The following CACNA1E variants were observed in gnomAD, a reference collection of about 807,000 sequenced individuals.
The protein encoded by CACNA1E is calcium voltage-gated channel subunit alpha1 E.
Under a neutral mutation model 259.2 loss-of-function variants are expected in CACNA1E, and 40 were observed. The observed-to-expected ratio is 0.15, with a 90% CI of 0.12 to 0.20. The LOEUF (loss-of-function observed/expected upper bound fraction) is 0.20. Among genes scored for constraint, CACNA1E ranks in the 10% least tolerant of loss-of-function variants. The pLI is 1.00. For missense variants in CACNA1E, 1,874 were observed against 3,040.1 expected (o/e 0.62, Z 9.02); for synonymous variants, 1,104 against 1,138.5 (o/e 0.97, Z 0.61).
intron 3 of CACNA1E, among the ~76,000 whole-genome samples, chr1:181,517,154 C>T (rs1169737080): frequency 6.6e-6 from 1 of 152,214 alleles, no homozygotes; most frequent in Non-Finnish European, 1.5e-5. Flanking sequence ...CTGGGGAAAG[C>T]TTCTTGAAAG....
At chr1:181,461,351 C>T (rs1038881885) in intron 2 of CACNA1E, among the ~76,000 whole-genome samples, 3 of 151,676 alleles carry the variant, frequency 2.0e-5, no homozygotes, top group African/African-American at 7.3e-5. Flanking sequence ...ACCATCCTGG[C>T]TAACACGGTG....
intron 1 of CACNA1E, among the ~76,000 whole-genome samples, chr1:181,322,011 C>T (rs1039120004): frequency 3.3e-5 from 5 of 152,018 alleles, no homozygotes; most frequent in African/African-American, 7.3e-5. Context: ...GGAGGGTAGG[C>T]GGGGCAGATG....
rs150896997 is a variant in CACNA1E at position 181,394,963 on chromosome 1, C to T, written c.-14-18170C>T. Among the ~76,000 whole-genome samples the T allele has an allele frequency of 3.0e-3, 455 of 152,230 alleles. 2 individuals are homozygous for T. Among genetic ancestry groups the T allele is most frequent in the African/African-American group, 0.01 (423 of 41,536 alleles). On this transcript the variant is annotated intron_variant, in intron 1 of 11. Transcript: ENST00000524607. ...ACTGGGAGGTCAGCTGTGGCTGTTA[C>T]TCTAAGTGAAGGGAGGGTACATTGC...
intron 25 of CACNA1E, chr1:181,745,503 G>A: frequency 3.0e-6 from 1 of 331,888 alleles, no homozygotes; most frequent in Non-Finnish European, 5.9e-6. Flanking sequence ...CACCCTGTGA[G>A]CCTTCACAAC....
chr1:181,530,106 G>T (rs1667664539), intron 3 of CACNA1E, among the ~76,000 whole-genome samples: 1 of 152,136 alleles, frequency 6.6e-6, no homozygotes, highest in South Asian at 2.1e-4. Flanking sequence ...AATCACGAGG[G>T]CTAGTCTTTG....
At position 181,761,470 on chromosome 1, in the gene CACNA1E, G is replaced by A. The variant is rs561627683; in HGVS notation, c.4606-1104G>A. Among the ~76,000 whole-genome samples the A allele has an allele frequency of 2.6e-5, 4 of 152,346 alleles. No individual in the cohort carries two copies. The South Asian group carries it at 6.2e-4, about 24-fold the overall frequency. On this transcript the variant is annotated intron_variant, in intron 32 of 47. Transcript: ENST00000367573. ...ATGTAGGAATTCAATGATGCTAGTT[G>A]TGAGGCTGGGTTGGAGTATACTTCT... is the stretch of plus-strand genomic sequence containing the variant.
rs34538225 is a variant in CACNA1E, at chr1:181,684,876, CT to C, written c.1056-26063del. On this transcript the variant is annotated intron_variant, in intron 7 of 47. Transcript: ENST00000367573. The stretch of plus-strand genomic sequence containing the variant: ...TCCTAAATAAAGGATTTTTTAAATC[CT>C]TTTTTTTTTTTTTTGCCTTGTTAGT... 6.2e-3 allele frequency among the ~76,000 whole-genome samples: 840 copies of C among 135,064 alleles called. 4 individuals carry two copies. The highest frequency in any genetic ancestry group is 0.017 in the African/African-American group (598 of 36,236). 88.6% of individuals were successfully genotyped at this position (135,064 alleles called of 152,430 possible). A position where few individuals can be genotyped will look rare whatever the true frequency, so the allele number is the denominator to read the frequency against.
chr1:181,510,161 AT>A (rs1312972442), intron 1 of CACNA1E, among the ~76,000 whole-genome samples: 1 of 151,942 alleles, frequency 6.6e-6, no homozygotes, highest in Non-Finnish European at 1.5e-5. Flanking sequence ...TGGTTATTGG[AT>A]TTGTTATTGA....
Position 181,381,088 on chromosome 1 carries a change from C to T in CACNA1E, c.-14-32045C>T, listed in dbSNP as rs566467553. Among the ~76,000 whole-genome samples the T allele has an allele frequency of 4.6e-5, 7 of 152,072 alleles. No individual in the cohort carries two copies. The East Asian group carries it at 1.4e-3, about 29-fold the overall frequency. ...GGCTGAGGCAGGAGAATCGCTTGAA[C>T]CCAGGAGGTGGAGGTTGCAGTGAGC... is the stretch of plus-strand genomic sequence containing the variant. On this transcript the variant is annotated intron_variant, in intron 1 of 11. Transcript: ENST00000524607.
intron 43 of CACNA1E, 146 bp from the exon 44 acceptor site, chr1:181,790,299 T>G: frequency 2.0e-6 from 1 of 508,418 alleles, no homozygotes; most frequent in Non-Finnish European, 3.5e-6. Flanking sequence ...GCTTTTTTTT[T>G]TTTTTTTTAA....
chr1:181,744,752 G>A (rs760911754), intron 25 of CACNA1E, among the ~76,000 whole-genome samples: 1 of 152,206 alleles, frequency 6.6e-6, no homozygotes, highest in Non-Finnish European at 1.5e-5. Flanking sequence ...GGCAAAAAAA[G>A]TGGACGAAGT....
intron 3 of CACNA1E, among the ~76,000 whole-genome samples, chr1:181,514,816 C>T (rs1386047861): frequency 6.6e-6 from 1 of 152,218 alleles, no homozygotes; most frequent in Non-Finnish European, 1.5e-5. Flanking sequence ...TGGGCTACCA[C>T]ATTCTGCCTG....
At chr1:181,780,293 C>T (rs1660313331) in intron 38 of CACNA1E, among the ~76,000 whole-genome samples, 1 of 152,192 alleles carries the variant, frequency 6.6e-6, no homozygotes, top group Non-Finnish European at 1.5e-5. Context: ...TTCCAAGTCA[C>T]TTCTTGTCAG....
At position 181,790,361 on chromosome 1, in the gene CACNA1E, C is replaced by A. The variant is rs144520471; in HGVS notation, c.5787-84C>A. 937 of 778,590 alleles carry A rather than the reference C, an allele frequency of 1.2e-3. 2 individuals are homozygous for A. Among genetic ancestry groups the A allele is most frequent in the Non-Finnish European group, 1.3e-3 (582 of 453,760 alleles). The allele number at this position is 778,590 out of a possible 1,614,324, so 48.2% of individuals were successfully genotyped here. ...CTAGGTTTACAAAAGCCAGCCAAGGCTAAAGGGTGTTGCCCTGCTGGGGTG... is the reference window on the plus strand; with the variant it reads ...CTAGGTTTACAAAAGCCAGCCAAGGATAAAGGGTGTTGCCCTGCTGGGGTG... On this transcript the variant is annotated intron_variant, in intron 43 of 47. Transcript: ENST00000367573.
intron 2 of CACNA1E, among the ~76,000 whole-genome samples, chr1:181,441,678 G>A (rs1660486790): frequency 1.3e-5 from 2 of 152,156 alleles, no homozygotes; most frequent in African/African-American, 4.8e-5. Flanking sequence ...ACTGACAACT[G>A]GGCCTCAAAG....
chr1:181,661,436 G>A (rs1647669114), intron 7 of CACNA1E, among the ~76,000 whole-genome samples: 1 of 152,096 alleles, frequency 6.6e-6, no homozygotes, highest in Non-Finnish European at 1.5e-5. Flanking sequence ...GGACTGTGTG[G>A]GTATGTCTGA....
intron 2 of CACNA1E, among the ~76,000 whole-genome samples, chr1:181,425,151 A>G (rs11803220): frequency 0.42 from 63,296 of 152,036 alleles, 13,429 homozygotes; most frequent in Middle Eastern, 0.47. Flanking sequence ...TTGCAGCCGC[A>G]GTCTCACTGG....
chr1:181,758,020 A>G lies in CACNA1E; in HGVS notation c.4403A>G (p.Gln1468Arg). The G allele has an allele frequency of 6.2e-7, 1 of 1,611,536 alleles. No individual in the cohort carries two copies. Among genetic ancestry groups the G allele is most frequent in the Non-Finnish European group, 8.5e-7 (1 of 1,177,622 alleles). Residue 1468 changes from glutamine to arginine, a missense_variant, in exon 31 of 48, where the codon CAG becomes CGG. Gln to Arg is a conservative substitution (Grantham distance 43). Around this residue, in one of 14 missense-constraint regions of CACNA1E, gnomAD observed 188 missense variants for 540.6 expected, o/e 0.35. Coordinates refer to ENST00000367573, the MANE Select transcript of CACNA1E (RefSeq NM_001205293.3). This position sits in a 1 kb window ranked among gnomAD's most constrained non-coding sequence, Gnocchi z 4.2. Reference protein sequence around the residue: ...RYMPQNRHTFQYRVWHFVVSP... With the variant: ...RYMPQNRHTFRYRVWHFVVSP... ...ATGCCGCAGAACAGACACACCTTCC[A>G]GTACCGCGTGTGGCACTTTGTGGTG...
chr1:181,597,603 T>C (rs552732816), intron 6 of CACNA1E, among the ~76,000 whole-genome samples: 70 of 152,298 alleles, frequency 4.6e-4, no homozygotes, highest in African/African-American at 1.7e-3. Flanking sequence ...TCGAAGGTGA[T>C]GGATCGGTCC....
Sources: allele counts gnomAD v4.1 joint callset (sites outside exome capture counted in the v4.1 genomes callset), GRCh38; gene constraint gnomAD v4.1.1; regional missense constraint gnomAD v4.1.1; non-coding constraint Gnocchi (gnomAD v3.1); transcripts MANE v1.5; gene names NCBI Gene and HGNC (gene_info 2026-07-23, HGNC 2026-07-21).